The following AMBRA1 variants were observed in gnomAD, a reference collection of about 807,000 sequenced individuals.
The protein encoded by AMBRA1 is autophagy and beclin 1 regulator 1.
In AMBRA1, 47 loss-of-function variants were observed where a neutral mutation model predicts 125.4. The observed-to-expected ratio is 0.37, with a 90% CI of 0.30 to 0.48. AMBRA1 has a LOEUF of 0.48. AMBRA1 is among the 20% of genes least tolerant of loss of function. AMBRA1 has a pLI of 0.99. For missense variants in AMBRA1, 1,331 were observed against 1,693.4 expected (o/e 0.79, Z 3.76); for synonymous variants, 626 against 655.5 (o/e 0.95, Z 0.69).
chr11:46,503,760 G>C (rs1265842198), intron 9 of AMBRA1, among the ~76,000 whole-genome samples: 1 of 152,268 alleles, frequency 6.6e-6, no homozygotes, highest in Non-Finnish European at 1.5e-5. Flanking sequence ...TCATCTTAAG[G>C]CTAAAAGACT....
chr11:46,586,236 A>C (rs926275528), intron 1 of AMBRA1, among the ~76,000 whole-genome samples: 27 of 152,048 alleles, frequency 1.8e-4, no homozygotes, highest in African/African-American at 6.5e-4. Context: ...CAAAACTCTG[A>C]CTCTACTAAA....
At chr11:46,530,118 G>A (rs1952148504) in intron 7 of AMBRA1, among the ~76,000 whole-genome samples, 1 of 152,214 alleles carries the variant, frequency 6.6e-6, no homozygotes, top group African/African-American at 2.4e-5. Context: ...AATAGATACA[G>A]TAGAGAAGGG....
chr11:46,467,897 A>G (rs1949395739), intron 11 of AMBRA1, among the ~76,000 whole-genome samples: 1 of 152,156 alleles, frequency 6.6e-6, no homozygotes, highest in East Asian at 1.9e-4. Flanking sequence ...TGTTTACCAG[A>G]AGTCTAGGGC....
At chr11:46,478,648 C>CTTTTTTTTTTTTTTTTTTTTT (rs11449187) in intron 11 of AMBRA1, among the ~76,000 whole-genome samples, 32 of 82,154 alleles carry the variant, frequency 3.9e-4, no homozygotes, top group Admixed American at 5.5e-4. Flanking sequence ...TCTTTTTTCT[C>CTTTTTTTTTTTTTTTTTTTTT]TTTTTTTTTT....
At chr11:46,495,403 A>G (rs1019803438) in intron 9 of AMBRA1, 1 of 152,256 alleles carries the variant, frequency 6.6e-6, no homozygotes, top group African/African-American at 2.4e-5. Context: ...GATGGTTTTT[A>G]TATCTTGGTA....
intron 17 of AMBRA1, among the ~76,000 whole-genome samples, chr11:46,400,571 A>G (rs1342773982): frequency 1.5e-5 from 2 of 133,404 alleles, no homozygotes; most frequent in Non-Finnish European, 3.1e-5. Flanking sequence ...GGCTCACTGT[A>G]GCTTAGCCTC....
intron 1 of AMBRA1, among the ~76,000 whole-genome samples, chr11:46,584,176 C>T (rs1353149715): frequency 7.8e-5 from 11 of 140,386 alleles, no homozygotes; most frequent in Admixed American, 5.0e-4. Context: ...ATATACACCA[C>T]GGAATACTAT....
chr11:46,584,253 C>T (rs2044286422), intron 1 of AMBRA1, among the ~76,000 whole-genome samples: 1 of 147,966 alleles, frequency 6.8e-6, no homozygotes, highest in East Asian at 2.0e-4. Flanking sequence ...AATCATCATT[C>T]TCAGTAAACT....
At chr11:46,566,587 G>A (rs574027287) in intron 1 of AMBRA1, among the ~76,000 whole-genome samples, 73 of 152,190 alleles carry the variant, frequency 4.8e-4, no homozygotes, top group African/African-American at 1.6e-3. Context: ...GATTACAGAC[G>A]GGACCCGGGG....
intron 9 of AMBRA1, among the ~76,000 whole-genome samples, chr11:46,496,311 G>A (rs984948994): frequency 6.6e-6 from 1 of 152,194 alleles, no homozygotes; most frequent in African/African-American, 2.4e-5. Context: ...GAACCCAGGA[G>A]ATGGAGGTTG....
chr11:46,418,508 G>A (rs886809430), intron 14 of AMBRA1, among the ~76,000 whole-genome samples: 10 of 151,264 alleles, frequency 6.6e-5, no homozygotes, highest in Non-Finnish European at 1.2e-4. Flanking sequence ...CCATTAACTC[G>A]TCAGTCACAT....
At chr11:46,593,093 A>G (rs1230789758) in intron 1 of AMBRA1, among the ~76,000 whole-genome samples, 1 of 152,220 alleles carries the variant, frequency 6.6e-6, no homozygotes, top group East Asian at 1.9e-4. Flanking sequence ...TTGAAAAGCA[A>G]AACAGCCAAG....
intron 15 of AMBRA1, among the ~76,000 whole-genome samples, chr11:46,412,384 A>G (rs957101870): frequency 3.9e-5 from 6 of 152,172 alleles, no homozygotes; most frequent in African/African-American, 1.4e-4. Flanking sequence ...CCCTGGGCTC[A>G]GGTGATTCTC....
At chr11:46,532,141 T>A (rs1952244582) in intron 7 of AMBRA1, among the ~76,000 whole-genome samples, 1 of 152,086 alleles carries the variant, frequency 6.6e-6, no homozygotes, top group African/African-American at 2.4e-5. Context: ...ATTAATTAAT[T>A]AATATAAAAT....
intron 9 of AMBRA1, among the ~76,000 whole-genome samples, chr11:46,503,726 T>C (rs993721630): frequency 1.3e-5 from 2 of 151,912 alleles, no homozygotes; most frequent in African/African-American, 4.8e-5. Flanking sequence ...GTTAAGAAAA[T>C]AAATTAACAG....
intron 7 of AMBRA1, among the ~76,000 whole-genome samples, chr11:46,536,687 A>T (rs1952494213): frequency 6.6e-6 from 1 of 152,174 alleles, no homozygotes; most frequent in African/African-American, 2.4e-5. Context: ...TCCCTGGAGA[A>T]TCCCCAAGTG....
At chr11:46,526,229 T>C (rs1951964376) in intron 7 of AMBRA1, among the ~76,000 whole-genome samples, 1 of 151,602 alleles carries the variant, frequency 6.6e-6, no homozygotes. Flanking sequence ...AAAACAATAA[T>C]AATAAATAAA....
chr11:46,467,548 T>C (rs1949381684), intron 11 of AMBRA1, among the ~76,000 whole-genome samples: 1 of 150,656 alleles, frequency 6.6e-6, no homozygotes, highest in East Asian at 1.9e-4. Context: ...TCTATGTTAC[T>C]CTTTTTTTTT....
intron 11 of AMBRA1, among the ~76,000 whole-genome samples, chr11:46,486,590 C>T (rs1950273522): frequency 6.6e-6 from 1 of 152,046 alleles, no homozygotes; most frequent in East Asian, 1.9e-4. Flanking sequence ...CATCTAAGAC[C>T]AGAGTACTGG....
Sources: gnomAD v4.1 joint callset for allele counts (sites outside exome capture counted in the v4.1 genomes callset) on GRCh38, gnomAD v4.1.1 for gene constraint, MANE v1.5 for transcripts, NCBI Gene and HGNC (gene_info 2026-07-23, HGNC 2026-07-21) for gene names.